The following NXPE2 variants were observed in gnomAD, a reference collection of about 807,000 sequenced individuals.
The protein encoded by NXPE2 is neurexophilin and PC-esterase domain family member 2, also known as NXPE family member 2.
Under a neutral mutation model 34.4 loss-of-function variants are expected in NXPE2, and 34 were observed. The ratio of observed to expected loss-of-function variants is 0.99; its 90% confidence interval spans 0.75 to 1.31. NXPE2 has a LOEUF of 1.31. NXPE2 is among the 40% of genes most tolerant of loss of function. The probability of loss-of-function intolerance (pLI) is 0.00; values close to 1 mark genes in which losing one functional copy is unlikely to be tolerated. For synonymous variants in NXPE2, 235 were observed against 231.3 expected (o/e 1.02, Z -0.15); for missense variants, 649 against 672.5 (o/e 0.97, Z 0.39).
At chr11:114,737,843 G>A in the NXPE2 span, among the ~76,000 whole-genome samples, 3 of 152,122 alleles carry the variant, frequency 2.0e-5, no homozygotes, top group Non-Finnish European at 4.4e-5. Flanking sequence ...AGCACTTTGG[G>A]AGGCCAAGGC....
At chr11:114,687,865 T>C (rs895385443) in intron 2 of NXPE2, among the ~76,000 whole-genome samples, 4 of 151,914 alleles carry the variant, frequency 2.6e-5, no homozygotes, top group Admixed American at 2.6e-4. Flanking sequence ...TTACATAGGA[T>C]TGGATTCTTA....
At chr11:114,629,183 T>A in the NXPE2 span, among the ~76,000 whole-genome samples, 16 of 152,078 alleles carry the variant, frequency 1.1e-4, 1 homozygote, top group Non-Finnish European at 1.8e-4. Context: ...GAGGCCAGCA[T>A]CATTCTGATA....
the NXPE2 span, among the ~76,000 whole-genome samples, chr11:114,481,381 T>C: frequency 2.0e-5 from 3 of 152,170 alleles, no homozygotes; most frequent in Non-Finnish European, 2.9e-5. Flanking sequence ...GATAATTTAA[T>C]TTAGAGCATT....
chr11:114,650,246 G>A, the NXPE2 span, among the ~76,000 whole-genome samples: 1 of 152,114 alleles, frequency 6.6e-6, no homozygotes, highest in Non-Finnish European at 1.5e-5. Flanking sequence ...AGAGGAGAGA[G>A]CATATAAAAA....
chr11:114,800,660 TACTG>T, the NXPE2 span, among the ~76,000 whole-genome samples: 1 of 152,232 alleles, frequency 6.6e-6, no homozygotes, highest in Non-Finnish European at 1.5e-5. Context: ...CATGAATAAA[TACTG>T]ACATTGGAAT....
At chr11:114,699,202 A>G (rs746688392) in intron 3 of NXPE2, among the ~76,000 whole-genome samples, 1 of 152,122 alleles carries the variant, frequency 6.6e-6, no homozygotes, top group African/African-American at 2.4e-5. Context: ...TCTATACATT[A>G]TCCCTCCCAA....
chr11:114,538,410 A>G, the NXPE2 span, among the ~76,000 whole-genome samples: 4 of 152,230 alleles, frequency 2.6e-5, no homozygotes, highest in East Asian at 1.9e-4. Flanking sequence ...AATGGCAACA[A>G]AAGCCAAAAT....
At chr11:114,713,440 T>C in the NXPE2 span, among the ~76,000 whole-genome samples, 4 of 152,204 alleles carry the variant, frequency 2.6e-5, no homozygotes, top group East Asian at 1.9e-4. Context: ...TGTCCCTCTA[T>C]GTATGTGGGG....
At chr11:114,749,850 C>T in the NXPE2 span, among the ~76,000 whole-genome samples, 2 of 152,264 alleles carry the variant, frequency 1.3e-5, no homozygotes, top group Non-Finnish European at 1.5e-5. Flanking sequence ...CTTCTTCACC[C>T]TGCTCAAGCT....
At chr11:114,781,473 G>C in the NXPE2 span, among the ~76,000 whole-genome samples, 126 of 152,310 alleles carry the variant, frequency 8.3e-4, no homozygotes, top group Non-Finnish European at 6.9e-4. Context: ...ATCTGGGAAG[G>C]CTTCCTGAAA....
chr11:114,613,149 A>G, the NXPE2 span, among the ~76,000 whole-genome samples: 1 of 151,280 alleles, frequency 6.6e-6, no homozygotes, highest in African/African-American at 2.4e-5. Context: ...CTCATAGATA[A>G]CGACTGTTAC....
At chr11:114,483,057 T>C in the NXPE2 span, among the ~76,000 whole-genome samples, 1 of 152,208 alleles carries the variant, frequency 6.6e-6, no homozygotes, top group Non-Finnish European at 1.5e-5. Context: ...ATATTCTCTT[T>C]GCTTTTCATT....
At chr11:114,760,525 A>G in the NXPE2 span, among the ~76,000 whole-genome samples, 1 of 152,182 alleles carries the variant, frequency 6.6e-6, no homozygotes, top group African/African-American at 2.4e-5. Flanking sequence ...TGCTCTGCCC[A>G]CTGGTGTTAA....
chr11:114,615,392 C>T, the NXPE2 span, among the ~76,000 whole-genome samples: 4 of 151,928 alleles, frequency 2.6e-5, no homozygotes, highest in Non-Finnish European at 5.9e-5. Flanking sequence ...ATAAGTATTG[C>T]CTCGGTAACC....
At chr11:114,602,490 T>A in the NXPE2 span, among the ~76,000 whole-genome samples, 1 of 136,728 alleles carries the variant, frequency 7.3e-6, no homozygotes, top group Non-Finnish European at 1.5e-5. Context: ...ATATAACATA[T>A]ATTATCCCAT....
the NXPE2 span, among the ~76,000 whole-genome samples, chr11:114,728,805 T>C: frequency 6.6e-6 from 1 of 152,128 alleles, no homozygotes; most frequent in South Asian, 2.1e-4. Context: ...AGCCAGCAAA[T>C]TGAGAAAGAC....
chr11:114,727,774 A>AACACACACAAACACACAC, the NXPE2 span, among the ~76,000 whole-genome samples: 4,178 of 127,466 alleles, frequency 0.033, 97 homozygotes, highest in South Asian at 0.044. Context: ...ATGTGTACAC[A>AACACACACAAACACACAC]ACACACACAC....
chr11:114,601,464 T>C, the NXPE2 span, among the ~76,000 whole-genome samples: 1 of 122,920 alleles, frequency 8.1e-6, no homozygotes, highest in South Asian at 2.2e-4. Context: ...TTATATATAA[T>C]ATAAAATTTA....
chr11:114,577,056 T>C, the NXPE2 span, among the ~76,000 whole-genome samples: 59 of 31,384 alleles, frequency 1.9e-3, no homozygotes, highest in African/African-American at 2.7e-3. Context: ...TATATATATA[T>C]ACATATATAT....
Sources: gnomAD v4.1 joint callset for allele counts (sites outside exome capture counted in the v4.1 genomes callset) on GRCh38, gnomAD v4.1.1 for gene constraint, MANE v1.5 for transcripts, NCBI Gene and HGNC (gene_info 2026-07-23, HGNC 2026-07-21) for gene names.